The following NR6A1 variants were observed in gnomAD, a reference collection of about 807,000 sequenced individuals.
NR6A1 encodes the protein retinoic acid receptor-related testis-associated receptor.
NR6A1 carries 7 observed loss-of-function variants against 59.1 expected under a neutral mutation model. That is an observed-to-expected ratio of 0.12 (90% CI 0.07 to 0.22). NR6A1 has a LOEUF of 0.22. Ranked by LOEUF, NR6A1 falls within the 10% of genes least tolerant of loss-of-function variation. NR6A1 has a pLI of 1.00. For missense variants in NR6A1, 468 were observed against 611.6 expected (o/e 0.77, Z 2.48); for synonymous variants, 243 against 236.1 (o/e 1.03, Z -0.27).
rs61755055 is a variant in NR6A1 at position 124,522,753 on chromosome 9, G to A, written c.1395C>T (p.Leu465=). The A allele has an allele frequency of 8.7e-4, 1,387 of 1,595,010 alleles. 20 individuals are homozygous for A. In the South Asian group the frequency reaches 0.015, roughly 17 times the overall value. ...TGCAGGAATGCAGCACCACCTTAAA[G>A]AGGAGGGGCAGCTGCTCCAGGGGCA... The part of the protein sequence containing the change: ...VNVPLEQLPL[L]FKVVLHSCKT... Residue 465 remains leucine (L), a synonymous_variant, in exon 10 of 10, where the codon CTC becomes CTT. Transcript: ENST00000487099.
intron 2 of NR6A1, among the ~76,000 whole-genome samples, chr9:124,672,453 A>G (rs1837823649): frequency 6.6e-6 from 1 of 152,024 alleles, no homozygotes; most frequent in African/African-American, 2.4e-5. Context: ...CGTCTCTACT[A>G]AAAACACAAA....
chr9:124,635,460 T>A (rs970692529), intron 2 of NR6A1, among the ~76,000 whole-genome samples: 7 of 152,244 alleles, frequency 4.6e-5, no homozygotes, highest in Non-Finnish European at 8.8e-5. Flanking sequence ...GCATTCATTC[T>A]GTCTCCTGCC....
chr9:124,543,060 A>G (rs1430808523), intron 4 of NR6A1, among the ~76,000 whole-genome samples: 2 of 152,204 alleles, frequency 1.3e-5, no homozygotes, highest in Non-Finnish European at 2.9e-5. Flanking sequence ...CCACTCCCTA[A>G]TGAACTGATT....
chr9:124,530,403 C>G (rs1833070355), intron 7 of NR6A1, among the ~76,000 whole-genome samples: 3 of 152,234 alleles, frequency 2.0e-5, no homozygotes. Context: ...CTGCCTTTGC[C>G]TGCAGCCGTG....
intron 3 of NR6A1, among the ~76,000 whole-genome samples, chr9:124,547,048 T>G (rs1342471189): frequency 6.6e-6 from 1 of 152,250 alleles, no homozygotes; most frequent in Non-Finnish European, 1.5e-5. Context: ...TAAAATCTAT[T>G]TGGCAGTGAT....
intron 1 of NR6A1, among the ~76,000 whole-genome samples, chr9:124,760,133 G>A (rs1196646907): frequency 6.6e-6 from 1 of 151,492 alleles, no homozygotes; most frequent in Non-Finnish European, 1.5e-5. Flanking sequence ...CCAACATGGT[G>A]AAATCTCGTC....
At chr9:124,561,054 A>AAC (rs1834071931) in intron 2 of NR6A1, among the ~76,000 whole-genome samples, 1 of 152,130 alleles carries the variant, frequency 6.6e-6, no homozygotes, top group African/African-American at 2.4e-5. Context: ...AGCACTTTGT[A>AAC]AGAGTGAGCA....
At chr9:124,716,978 C>T (rs1455963956) in intron 2 of NR6A1, among the ~76,000 whole-genome samples, 2 of 152,168 alleles carry the variant, frequency 1.3e-5, no homozygotes, top group Non-Finnish European at 2.9e-5. Flanking sequence ...TAAGAGATGA[C>T]ACATGAATGA....
intron 2 of NR6A1, among the ~76,000 whole-genome samples, chr9:124,692,087 G>C (rs1342594915): frequency 6.6e-6 from 1 of 152,138 alleles, no homozygotes; most frequent in Non-Finnish European, 1.5e-5. Flanking sequence ...AGGAAAATGT[G>C]GGTTGTTGAG....
At chr9:124,680,024 TTA>T (rs1838089567) in intron 2 of NR6A1, among the ~76,000 whole-genome samples, 1 of 151,814 alleles carries the variant, frequency 6.6e-6, no homozygotes, top group African/African-American at 2.4e-5. Context: ...CAAAAGGAAA[TTA>T]TGAGTTATAC....
chr9:124,723,809 A>G (rs1345871476), intron 2 of NR6A1, among the ~76,000 whole-genome samples: 4 of 152,226 alleles, frequency 2.6e-5, no homozygotes, highest in Admixed American at 2.6e-4. Flanking sequence ...ATAGATGAGA[A>G]AAGGAAGGCA....
At chr9:124,610,477 T>C (rs901110031) in intron 2 of NR6A1, among the ~76,000 whole-genome samples, 1 of 152,224 alleles carries the variant, frequency 6.6e-6, no homozygotes, top group Admixed American at 6.5e-5. Context: ...ATAAGCTTTT[T>C]GATGTACTTC....
Position 124,535,871 on chromosome 9 carries a change from G to C in NR6A1, c.1079+7C>G, listed in dbSNP as rs1433063528. 3 of 1,614,006 alleles carry C rather than the reference G, an allele frequency of 1.9e-6. No homozygotes were observed. In the African/African-American group the frequency reaches 4.0e-5, roughly 22 times the overall value. ...TTGGTATTTCCTCCCCAGCCAGGAGGCCTCACCTGTGTAGTTCTTCATCGG... is the reference window on the plus strand; with the variant it reads ...TTGGTATTTCCTCCCCAGCCAGGAGCCCTCACCTGTGTAGTTCTTCATCGG... On this transcript the variant is annotated splice_region_variant and intron_variant, in intron 7 of 9. Coordinates refer to ENST00000487099, the MANE Select transcript of NR6A1 (RefSeq NM_033334.4).
At position 124,578,582 on chromosome 9, in the gene NR6A1, C is replaced by T. The variant is rs1834673274; in HGVS notation, c.143-24012G>A. On this transcript the variant is annotated intron_variant, in intron 2 of 9. Coordinates refer to ENST00000487099, the MANE Select transcript of NR6A1 (RefSeq NM_033334.4). ...TAAAATCTATTCTCAATCTCCACTACTAAAAGCCCTGGCTTATGCCACCAT... is the reference window on the plus strand; with the variant it reads ...TAAAATCTATTCTCAATCTCCACTATTAAAAGCCCTGGCTTATGCCACCAT... Among the ~76,000 whole-genome samples, 2 of 152,234 alleles carry T rather than the reference C, an allele frequency of 1.3e-5. 1 individual carries two copies. Among genetic ancestry groups the T allele is most frequent in the Admixed American group, 1.3e-4 (2 of 15,282 alleles).
chr9:124,668,126 A>C (rs1173435452), intron 2 of NR6A1, among the ~76,000 whole-genome samples: 1 of 152,218 alleles, frequency 6.6e-6, no homozygotes, highest in East Asian at 1.9e-4. Context: ...TACATATTTT[A>C]TATGTTATAT....
intron 2 of NR6A1, among the ~76,000 whole-genome samples, chr9:124,588,930 AAAAG>A (rs1265689377): frequency 7.1e-6 from 1 of 141,642 alleles, no homozygotes; most frequent in Non-Finnish European, 1.5e-5. Context: ...AAAAAAAAAA[AAAAG>A]AAAGAAAAAA....
chr9:124,757,070 T>C (rs1477583542), intron 1 of NR6A1, among the ~76,000 whole-genome samples: 1 of 152,018 alleles, frequency 6.6e-6, no homozygotes, highest in East Asian at 1.9e-4. Flanking sequence ...ACCCACAGTA[T>C]CTCAAATTCT....
At chr9:124,712,494 G>C (rs749989697) in intron 2 of NR6A1, among the ~76,000 whole-genome samples, 1 of 151,878 alleles carries the variant, frequency 6.6e-6, no homozygotes, top group Non-Finnish European at 1.5e-5. Flanking sequence ...TGTAGTCCCA[G>C]CTACTCAGGA....
At chr9:124,747,696 T>C (rs1164588363) in intron 1 of NR6A1, among the ~76,000 whole-genome samples, 1 of 151,960 alleles carries the variant, frequency 6.6e-6, no homozygotes, top group Non-Finnish European at 1.5e-5. Flanking sequence ...CCAACTCTCA[T>C]CCCCCAAGCC....
Sources: gnomAD v4.1 joint callset for allele counts (sites outside exome capture counted in the v4.1 genomes callset) on GRCh38, gnomAD v4.1.1 for gene constraint, MANE v1.5 for transcripts, NCBI Gene and HGNC (gene_info 2026-07-23, HGNC 2026-07-21) for gene names.